The following IL2RA variants were observed in gnomAD, a reference collection of about 807,000 sequenced individuals.
IL2RA encodes the protein interleukin-2 receptor subunit alpha.
IL2RA carries 24 observed loss-of-function variants against 37.8 expected under a neutral mutation model. The ratio of observed to expected loss-of-function variants is 0.63; its 90% CI spans 0.46 to 0.89. IL2RA has a LOEUF of 0.89. Ranked by LOEUF, IL2RA falls within the 40% of genes least tolerant of loss-of-function variation. The pLI is 0.00. For synonymous variants in IL2RA, 125 were observed against 114.6 expected, an observed-to-expected ratio of 1.09 and a Z score of -0.58; for missense variants, 319 against 348.6, an observed-to-expected ratio of 0.92 and a Z score of 0.68.
chr10:6,019,272 C>T (rs919302784), intron 6 of IL2RA, among the ~76,000 whole-genome samples, 156 bp downstream of exon 6: 1 of 152,166 alleles, frequency 6.6e-6, no homozygotes, highest in African/African-American at 2.4e-5. Context: ...ACCTACGAAC[C>T]AACTTACCAA....
rs1383985033 is a variant in IL2RA at position 6,015,017 on chromosome 10, A to C, written c.795-2121T>G. Among the ~76,000 whole-genome samples, 1 of 151,792 alleles carries C rather than the reference A, an allele frequency of 6.6e-6. No homozygotes were observed. Among genetic ancestry groups the C allele is most frequent in the Non-Finnish European group, 1.5e-5 (1 of 67,946 alleles). ...GAGTGGATGCTGGCAGGGGTCAGGG[A>C]GGCCCTGGATAATCAAGAGAGAGAC... On this transcript the variant is annotated intron_variant, in intron 7 of 7. Coordinates refer to ENST00000379959, the MANE Select transcript of IL2RA (RefSeq NM_000417.3). This position sits in a 1 kb window ranked among gnomAD's most constrained non-coding sequence, Gnocchi z 4.9.
chr10:6,041,766 CATT>C (rs1233555979), intron 1 of IL2RA, among the ~76,000 whole-genome samples: 1 of 152,128 alleles, frequency 6.6e-6, no homozygotes, highest in Admixed American at 6.5e-5. Flanking sequence ...CTGGAAAACA[CATT>C]ATATGCAGAT....
Position 6,020,234 on chromosome 10 carries a change from C to G in IL2RA, c.584-293G>C, listed in dbSNP as rs1839362758. 6.6e-6 allele frequency among the ~76,000 whole-genome samples: 1 copy of G among 152,198 alleles called. No individual in the cohort carries two copies. Among genetic ancestry groups the G allele is most frequent in the Non-Finnish European group, 1.5e-5 (1 of 68,010 alleles). On this transcript the variant is annotated intron_variant, in intron 4 of 7. Coordinates refer to ENST00000379959, the MANE Select transcript of IL2RA (RefSeq NM_000417.3). The surrounding 1 kb of genome is among the most constrained non-coding windows in gnomAD (Gnocchi z 5.6). The stretch of plus-strand genomic sequence containing the variant: ...CTCCCTCCCCAGTCCTGGTTTCCAT[C>G]TGTGACTTGGAAACAGGTCATAATA...
rs746779110 is a variant in IL2RA at position 6,018,229 on chromosome 10, G to T, written c.728-110C>A. On this transcript the variant is annotated intron_variant, in intron 6 of 7. Transcript: ENST00000379959. The surrounding 1 kb of genome is among the most constrained non-coding windows in gnomAD (Gnocchi z 5.1). ...GACATCCCCAAAGAGCAAGGCGGAG[G>T]CTGCAGCCTCTCTTCCCTGTCTCAG... The T allele has an allele frequency of 3.7e-6, 3 of 800,412 alleles. No homozygotes were observed. The highest frequency in any genetic ancestry group is 6.5e-6 in the Non-Finnish European group (3 of 460,394). The allele number at this position is 800,412 out of a possible 1,614,324, so 49.6% of individuals were successfully genotyped here. A position where few individuals can be genotyped will look rare whatever the true frequency, so the allele number is the denominator to read the frequency against.
At position 6,021,508 on chromosome 10, in the gene IL2RA, T is replaced by C. The variant is rs1839386474; in HGVS notation, c.553A>G (p.Thr185Ala). The C allele has an allele frequency of 6.2e-7, 1 of 1,614,098 alleles. No individual in the cohort carries two copies. Among genetic ancestry groups the C allele is most frequent in the South Asian group, 1.1e-5 (1 of 91,076 alleles). ...TRWTQPQLICTGEMETSQFPG... is the reference protein window; with the variant it reads ...TRWTQPQLICAGEMETSQFPG... ...AACTGACTGGTCTCCATTTCACCTG[T>C]GCATATGAGCTGGGGCTGGGTCCAC... Residue 185 changes from threonine to alanine, a missense_variant, in exon 4 of 8, where the codon ACA (threonine) becomes GCA (alanine). Physicochemically the swap from Thr to Ala is moderately conservative, Grantham distance 58. Coordinates refer to ENST00000379959, the MANE Select transcript of IL2RA (RefSeq NM_000417.3). The surrounding 1 kb of genome is among the most constrained non-coding windows in gnomAD (Gnocchi z 4.9).
At chr10:6,037,663 T>C (rs1185136298) in intron 1 of IL2RA, among the ~76,000 whole-genome samples, 1 of 152,220 alleles carries the variant, frequency 6.6e-6, no homozygotes, top group Non-Finnish European at 1.5e-5. Flanking sequence ...CAGAATCAGA[T>C]AGATTCTGGG....
rs77452278 is a variant in IL2RA, at chr10:6,022,930, C to T, written c.368-1237G>A. On this transcript the variant is annotated intron_variant, in intron 3 of 7. Coordinates refer to ENST00000379959, the MANE Select transcript of IL2RA (RefSeq NM_000417.3). This position sits in a 1 kb window ranked among gnomAD's most constrained non-coding sequence, Gnocchi z 4.7. ...TGGAAACACCATTCCAGGACAAAGTCGGAAGGGGAAGGAGTAAGAGCATCA... is the reference window on the plus strand; with the variant it reads ...TGGAAACACCATTCCAGGACAAAGTTGGAAGGGGAAGGAGTAAGAGCATCA... 8.8e-4 allele frequency among the ~76,000 whole-genome samples: 134 copies of T among 152,252 alleles called. No individual in the cohort carries two copies. The highest frequency in any genetic ancestry group is 1.6e-3 in the Non-Finnish European group (107 of 68,036).
At chr10:6,055,177 C>T (rs79196724) in intron 1 of IL2RA, among the ~76,000 whole-genome samples, 1,645 of 152,252 alleles carry the variant, frequency 0.011, 37 homozygotes, top group African/African-American at 0.036. Flanking sequence ...GAATTTGCTC[C>T]GTGACAAGAT....
intron 1 of IL2RA, among the ~76,000 whole-genome samples, chr10:6,032,332 G>T (rs1278001699): frequency 3.9e-5 from 6 of 152,132 alleles, no homozygotes; most frequent in Admixed American, 3.9e-4. Flanking sequence ...TGCTCATAGA[G>T]GATGCAAAAG....
At chr10:6,060,712 A>C (rs745511832) in intron 1 of IL2RA, among the ~76,000 whole-genome samples, 51 of 152,252 alleles carry the variant, frequency 3.3e-4, no homozygotes, top group Admixed American at 2.2e-3. Context: ...GACTGAGATC[A>C]CGCCACTGCA....
rs1200471455 is a variant in IL2RA at position 6,044,110 on chromosome 10, C to T, written c.64+17978G>A. On this transcript the variant is annotated intron_variant, in intron 1 of 7. Transcript: ENST00000379959. This position sits in a 1 kb window ranked among gnomAD's most constrained non-coding sequence, Gnocchi z 4.5. Reference sequence around the variant, plus strand: ...GAAGTCAATCATCCAAATCACCTCTCAGTCCTCAGCAGCTGAATTCAACAC... The same window carrying T: ...GAAGTCAATCATCCAAATCACCTCTTAGTCCTCAGCAGCTGAATTCAACAC... Among the ~76,000 whole-genome samples the T allele has an allele frequency of 6.6e-6, 1 of 152,208 alleles. No individual in the cohort carries two copies.
chr10:6,037,525 G>A (rs895042135), intron 1 of IL2RA, among the ~76,000 whole-genome samples: 2 of 152,252 alleles, frequency 1.3e-5, no homozygotes, highest in African/African-American at 4.8e-5. Flanking sequence ...AATAACGCAC[G>A]GAGCACAGGA....
At position 6,015,495 on chromosome 10, in the gene IL2RA, G is replaced by A. The variant is rs1486231868; in HGVS notation, c.794+2558C>T. Among the ~76,000 whole-genome samples the A allele has an allele frequency of 1.3e-5, 2 of 152,160 alleles. No homozygotes were observed. Among genetic ancestry groups the A allele is most frequent in the Non-Finnish European group, 2.9e-5 (2 of 68,038 alleles). On this transcript the variant is annotated intron_variant, in intron 7 of 7. Transcript: ENST00000379959. The surrounding 1 kb of genome is among the most constrained non-coding windows in gnomAD (Gnocchi z 4.9). ...GAACCTGATAGAAATACAGATTCCT[G>A]GACCTAAGCAAGACGACTGCGTCAG...
intron 1 of IL2RA, among the ~76,000 whole-genome samples, chr10:6,040,465 C>A (rs759888285): frequency 1.3e-5 from 2 of 152,134 alleles, no homozygotes; most frequent in Non-Finnish European, 2.9e-5. Flanking sequence ...TTGAATATTT[C>A]CAGTCATTTT....
chr10:6,022,916 T>C lies in IL2RA; in HGVS notation c.368-1223A>G, dbSNP rs1839412183. Among the ~76,000 whole-genome samples the C allele has an allele frequency of 6.7e-6, 1 of 149,196 alleles. No individual in the cohort carries two copies. Among genetic ancestry groups the C allele is most frequent in the Non-Finnish European group, 1.5e-5 (1 of 66,648 alleles). On this transcript the variant is annotated intron_variant, in intron 3 of 7. Transcript: ENST00000379959. This position sits in a 1 kb window ranked among gnomAD's most constrained non-coding sequence, Gnocchi z 4.7. ...CAAACAAATGTGCTTGGAAACACCATTCCAGGACAAAGTCGGAAGGGGAAG... is the reference window on the plus strand; with the variant it reads ...CAAACAAATGTGCTTGGAAACACCACTCCAGGACAAAGTCGGAAGGGGAAG...
Position 6,044,163 on chromosome 10 carries a change from G to T in IL2RA, c.64+17925C>A, listed in dbSNP as rs1839814264. ...TGATTAAGCCTAGAGCATCTTCCTAGAGAAGGTGGTAGTGATGCAGGACAA... is the reference window on the plus strand; with the variant it reads ...TGATTAAGCCTAGAGCATCTTCCTATAGAAGGTGGTAGTGATGCAGGACAA... On this transcript the variant is annotated intron_variant, in intron 1 of 7. Transcript: ENST00000379959. The surrounding 1 kb of genome is among the most constrained non-coding windows in gnomAD (Gnocchi z 4.5). 6.6e-6 allele frequency among the ~76,000 whole-genome samples: 1 copy of T among 152,242 alleles called. No individual in the cohort carries two copies. The highest frequency in any genetic ancestry group is 1.5e-5 in the Non-Finnish European group (1 of 68,046).
At chr10:6,034,532 T>A (rs986925413) in intron 1 of IL2RA, among the ~76,000 whole-genome samples, 1 of 128,660 alleles carries the variant, frequency 7.8e-6, no homozygotes, top group Admixed American at 7.5e-5. Flanking sequence ...TGTCTAAAAG[T>A]CTTGCACAGT....
chr10:6,015,012 C>T lies in IL2RA; in HGVS notation c.795-2116G>A, dbSNP rs569270658. Reference sequence around the variant, plus strand: ...GGCCAGAGTGGATGCTGGCAGGGGTCAGGGAGGCCCTGGATAATCAAGAGA... The same window carrying T: ...GGCCAGAGTGGATGCTGGCAGGGGTTAGGGAGGCCCTGGATAATCAAGAGA... On this transcript the variant is annotated intron_variant, in intron 7 of 7. Coordinates refer to ENST00000379959, the MANE Select transcript of IL2RA (RefSeq NM_000417.3). This position sits in a 1 kb window ranked among gnomAD's most constrained non-coding sequence, Gnocchi z 4.9. Among the ~76,000 whole-genome samples, 7 of 152,050 alleles carry T rather than the reference C, an allele frequency of 4.6e-5. No individual in the cohort carries two copies. The South Asian group carries it at 1.5e-3, about 32-fold the overall frequency.
Position 6,012,585 on chromosome 10 carries a change from C to T in IL2RA, c.*287G>A, listed in dbSNP as rs919824754. 5 of 543,042 alleles carry T rather than the reference C, an allele frequency of 9.2e-6. No homozygotes were observed. The highest frequency in any genetic ancestry group is 7.6e-5 in the African/African-American group (4 of 52,692). 33.6% of individuals were successfully genotyped at this position (543,042 alleles called of 1,614,324 possible). ...ATTCATGCTTTAATGAACACATATACATGAAAATAAGATGGAGAGTTCTAG... is the reference window on the plus strand; with the variant it reads ...ATTCATGCTTTAATGAACACATATATATGAAAATAAGATGGAGAGTTCTAG... On this transcript the variant is annotated 3_prime_UTR_variant, in exon 8 of 8. Transcript: ENST00000379959. This position sits in a 1 kb window ranked among gnomAD's most constrained non-coding sequence, Gnocchi z 4.8.
Sources: allele counts gnomAD v4.1 joint callset (sites outside exome capture counted in the v4.1 genomes callset), GRCh38; gene constraint gnomAD v4.1.1; non-coding constraint Gnocchi (gnomAD v3.1); transcripts MANE v1.5; gene names NCBI Gene and HGNC (gene_info 2026-07-23, HGNC 2026-07-21).